The following THRB variants were observed in gnomAD, a reference collection of about 807,000 sequenced individuals.
THRB encodes the protein thyroid hormone receptor beta, also known as nuclear receptor subfamily 1 group A member 2.
THRB carries 12 observed loss-of-function variants against 47.8 expected under a neutral mutation model. The observed-to-expected ratio is 0.25, with a 90% confidence interval of 0.16 to 0.41. The LOEUF is 0.41. Among genes scored for constraint, THRB ranks in the 10% least tolerant of loss-of-function variants. The probability of loss-of-function intolerance (pLI) is 1.00; values close to 1 mark genes in which losing one functional copy is unlikely to be tolerated. For missense variants in THRB, 348 were observed against 589.2 expected, an observed-to-expected ratio of 0.59 and a Z score of 4.24; for synonymous variants, 218 against 212.2, an observed-to-expected ratio of 1.03 and a Z score of -0.24.
At chr3:24,411,704 T>C (rs1478604367) in intron 1 of THRB, among the ~76,000 whole-genome samples, 2 of 151,766 alleles carry the variant, frequency 1.3e-5, no homozygotes, top group Non-Finnish European at 2.9e-5. Flanking sequence ...GAACATTTTT[T>C]GGTTGTCACA....
Position 24,128,061 on chromosome 3 carries a change from TG to T in THRB, c.886-305del, listed in dbSNP as rs548428692. 1.2e-3 allele frequency among the ~76,000 whole-genome samples: 176 copies of T among 152,336 alleles called. 1 individual carries two copies. The highest frequency in any genetic ancestry group is 3.7e-3 in the African/African-American group (155 of 41,570). Reference sequence around the variant, plus strand: ...AAACTGTGCTAATAACCCCTCAGTTTGGGGGTTTGTATTATAACTTCAACTG... The same window carrying T: ...AAACTGTGCTAATAACCCCTCAGTTTGGGGTTTGTATTATAACTTCAACTG... On this transcript the variant is annotated intron_variant, in intron 9 of 10. Transcript: ENST00000646209.
chr3:24,140,447 C>T (rs1332148385), intron 8 of THRB, among the ~76,000 whole-genome samples: 2 of 152,166 alleles, frequency 1.3e-5, no homozygotes, highest in East Asian at 1.9e-4. Flanking sequence ...GGCTTTTTTA[C>T]TCATATTTCT....
chr3:24,290,593 C>T (rs2150969857), intron 3 of THRB, among the ~76,000 whole-genome samples: 1 of 152,286 alleles, frequency 6.6e-6, no homozygotes, highest in Admixed American at 6.5e-5. Context: ...TCAGTTTCTC[C>T]TCCAAGAGAC....
intron 1 of THRB, among the ~76,000 whole-genome samples, chr3:24,483,114 T>C (rs1051550848): frequency 6.6e-6 from 1 of 152,138 alleles, no homozygotes; most frequent in African/African-American, 2.4e-5. Context: ...AAAATATGCA[T>C]AGTTAGAAGA....
intron 4 of THRB, among the ~76,000 whole-genome samples, chr3:24,200,268 C>G (rs1418684645): frequency 6.6e-6 from 1 of 152,114 alleles, no homozygotes; most frequent in African/African-American, 2.4e-5. Context: ...CAAAAAAACC[C>G]AAGATATCTT....
At chr3:24,414,702 A>G (rs2068598720) in intron 1 of THRB, among the ~76,000 whole-genome samples, 1 of 151,880 alleles carries the variant, frequency 6.6e-6, no homozygotes, top group Admixed American at 6.6e-5. Flanking sequence ...AAAGGGGTAA[A>G]ATATAAAACA....
At chr3:24,351,822 C>T (rs2063375206) in intron 1 of THRB, among the ~76,000 whole-genome samples, 1 of 152,178 alleles carries the variant, frequency 6.6e-6, no homozygotes, top group Non-Finnish European at 1.5e-5. Context: ...CACATGAGAG[C>T]AGATGGTGAC....
chr3:24,412,580 A>C (rs1278858493), intron 1 of THRB, among the ~76,000 whole-genome samples: 1 of 151,848 alleles, frequency 6.6e-6, no homozygotes, highest in Non-Finnish European at 1.5e-5. Context: ...GGCTCTCCAA[A>C]TATAGGAAGA....
At position 24,143,458 on chromosome 3, in the gene THRB, C is replaced by T. The variant is rs1225816565; in HGVS notation, c.738+43G>A. The T allele has an allele frequency of 3.2e-6, 5 of 1,583,668 alleles. No homozygotes were observed. In the Admixed American group the frequency reaches 8.3e-5, roughly 26 times the overall value. The stretch of plus-strand genomic sequence containing the variant: ...GGACTGAATAAATTGAGGTAGAAAA[C>T]ACTGGCATATAAGTGAAACTGATCT... On this transcript the variant is annotated intron_variant, in intron 8 of 10. Coordinates refer to ENST00000646209, the MANE Select transcript of THRB (RefSeq NM_001354712.2).
chr3:24,329,467 T>G (rs538102444), intron 2 of THRB, among the ~76,000 whole-genome samples: 2 of 152,244 alleles, frequency 1.3e-5, no homozygotes, highest in Non-Finnish European at 2.9e-5. Context: ...TATTGATCTC[T>G]CAAAGAACAT....
intron 1 of THRB, among the ~76,000 whole-genome samples, chr3:24,461,151 A>G (rs1001541853): frequency 6.6e-6 from 1 of 152,228 alleles, no homozygotes; most frequent in African/African-American, 2.4e-5. Context: ...CTAAGAAAAA[A>G]GAATTCATCA....
At chr3:24,265,693 T>C (rs1256395169) in intron 3 of THRB, among the ~76,000 whole-genome samples, 4 of 152,198 alleles carry the variant, frequency 2.6e-5, no homozygotes, top group African/African-American at 9.6e-5. Context: ...AGGATGTTCA[T>C]CCCAGCATTA....
rs183350755 is a variant in THRB at position 24,396,375 on chromosome 3, C to T, written c.-260-59004G>A. Among the ~76,000 whole-genome samples, 16 of 86,876 alleles carry T rather than the reference C, an allele frequency of 1.8e-4. No homozygotes were observed. In the East Asian group the frequency reaches 4.2e-3, roughly 23 times the overall value. The allele number at this position is 86,876 out of a possible 152,430, so 57.0% of individuals were successfully genotyped here. On this transcript the variant is annotated intron_variant, in intron 1 of 10. Transcript: ENST00000646209. ...GCAGGTGATTACAACGTTTGGCCAA[C>T]GGTGAAAACACTGAGTTCCTTTCAA...
intron 4 of THRB, among the ~76,000 whole-genome samples, chr3:24,199,469 C>T (rs1040957303): frequency 4.6e-5 from 7 of 152,158 alleles, no homozygotes; most frequent in Admixed American, 1.3e-4. Flanking sequence ...GAGTGCTTCT[C>T]CTATTTCATT....
At chr3:24,182,073 C>A (rs1467396515) in intron 5 of THRB, among the ~76,000 whole-genome samples, 1 of 152,006 alleles carries the variant, frequency 6.6e-6, no homozygotes, top group Non-Finnish European at 1.5e-5. Flanking sequence ...TGGTGGCGGG[C>A]GCCTGTAGTC....
chr3:24,129,948 T>C (rs1030399548), intron 9 of THRB, among the ~76,000 whole-genome samples: 7 of 152,214 alleles, frequency 4.6e-5, no homozygotes, highest in Admixed American at 3.9e-4. Flanking sequence ...ACAGTTTGAA[T>C]AGCAGATGTG....
chr3:24,133,453 T>C lies in THRB; in HGVS notation c.748A>G (p.Ile250Val). 6.2e-7 allele frequency: 1 copy of C among 1,614,154 alleles called. No individual in the cohort carries two copies. The highest frequency in any genetic ancestry group is 8.5e-7 in the Non-Finnish European group (1 of 1,180,002). ...GCATTGACTATTGGTGCTTGTCCAATGTCTTCTGGCTAAGGAGGAGAAAAA... is the reference window on the plus strand; with the variant it reads ...GCATTGACTATTGGTGCTTGTCCAACGTCTTCTGGCTAAGGAGGAGAAAAA... The part of the protein sequence containing the change: ...KQKRKFLPED[I>V]GQAPIVNAPE... The change falls in exon 9 of 11, where the codon ATT becomes GTT. Residue 250 changes from isoleucine to valine, a missense_variant. By Grantham distance (29) the Ile-to-Val change is conservative (BLOSUM62 3). Around this residue, in one of 5 missense-constraint regions of THRB, gnomAD observed 112 missense variants for 212.3 expected, o/e 0.53. Transcript: ENST00000646209.
intron 4 of THRB, among the ~76,000 whole-genome samples, chr3:24,200,859 G>A (rs1369192602): frequency 6.6e-6 from 1 of 152,126 alleles, no homozygotes; most frequent in Non-Finnish European, 1.5e-5. Flanking sequence ...TTGAGAGCAG[G>A]CGCTTTTGGG....
At chr3:24,314,464 T>C (rs1186712742) in intron 2 of THRB, among the ~76,000 whole-genome samples, 1 of 152,242 alleles carries the variant, frequency 6.6e-6, no homozygotes, top group African/African-American at 2.4e-5. Flanking sequence ...AGATCCCTGC[T>C]ATTATGTGGC....
Sources: allele counts gnomAD v4.1 joint callset (sites outside exome capture counted in the v4.1 genomes callset), GRCh38; gene constraint gnomAD v4.1.1; regional missense constraint gnomAD v4.1.1; transcripts MANE v1.5; gene names NCBI Gene and HGNC (gene_info 2026-07-23, HGNC 2026-07-21).